Variants in STON2 observed in about 807,000 individuals in gnomAD.
STON2 encodes stonin-2.
Under a neutral mutation model 65.7 loss-of-function variants are expected in STON2, and 29 were observed. The observed-to-expected ratio is 0.44, with a 90% confidence interval of 0.33 to 0.60. The LOEUF (loss-of-function observed/expected upper bound fraction) is 0.60, where lower values mean the gene tolerates loss of function less well. STON2 is among the 20% of genes least tolerant of loss of function. STON2 has a pLI of 0.03. For synonymous variants in STON2, 404 were observed against 414.2 expected, an observed-to-expected ratio of 0.98 and a Z score of 0.30; for missense variants, 1,054 against 1,118.1, an observed-to-expected ratio of 0.94 and a Z score of 0.82.
At chr14:81,290,686 A>G (rs1257965412) in intron 5 of STON2, among the ~76,000 whole-genome samples, 1 of 152,210 alleles carries the variant, frequency 6.6e-6, no homozygotes, top group Non-Finnish European at 1.5e-5. Context: ...CCCAAAACTC[A>G]TGTTCTTTAT....
Position 81,296,056 on chromosome 14 carries a change from G to A in STON2, c.743-17317C>T, listed in dbSNP as rs543356377. Among the ~76,000 whole-genome samples, 92 of 152,298 alleles carry A rather than the reference G, an allele frequency of 6.0e-4. 1 individual carries two copies. The highest frequency in any genetic ancestry group is 5.9e-5 in the Non-Finnish European group (4 of 68,024). On this transcript the variant is annotated intron_variant, in intron 5 of 7. Coordinates refer to ENST00000614646, the MANE Select transcript of STON2 (RefSeq NM_001394390.1). Reference sequence around the variant, plus strand: ...CTACATTTTTTCCGTAGTATTTTGGGATGAGAATTCTCATAGGACAATATT... The same window carrying A: ...CTACATTTTTTCCGTAGTATTTTGGAATGAGAATTCTCATAGGACAATATT...
At chr14:81,272,948 A>G (rs142217020) in intron 6 of STON2, among the ~76,000 whole-genome samples, 93 of 152,352 alleles carry the variant, frequency 6.1e-4, no homozygotes, top group Non-Finnish European at 1.1e-3. Flanking sequence ...TAGAGCTGGA[A>G]ATAAGATTCA....
Position 81,277,855 on chromosome 14 carries a change from G to A in STON2, c.1627C>T (p.Arg543Trp), listed in dbSNP as rs369913789. The change falls in exon 6 of 8, where the codon CGG (arginine) becomes TGG (tryptophan). Residue 543 changes from arginine to tryptophan, a missense_variant. Coordinates refer to ENST00000614646, the MANE Select transcript of STON2 (RefSeq NM_001394390.1). Reference sequence around the variant, plus strand: ...CCATTCTCATCATAGTTTTGAAGCCGGGGTTCTGAAATCTCATGACAGATC... The same window carrying A: ...CCATTCTCATCATAGTTTTGAAGCCAGGGTTCTGAAATCTCATGACAGATC... ...LEICHEISEP[R>W]LQNYDENGRI... is the part of the protein sequence containing the mutation. The A allele has an allele frequency of 1.9e-5, 30 of 1,614,052 alleles. No homozygotes were observed. Among genetic ancestry groups the A allele is most frequent in the East Asian group, 1.1e-4 (5 of 44,890 alleles).
chr14:81,358,468 G>T (rs1898349186), intron 4 of STON2, among the ~76,000 whole-genome samples: 1 of 152,044 alleles, frequency 6.6e-6, no homozygotes, highest in South Asian at 2.1e-4. Flanking sequence ...CACAAATGAA[G>T]TCAGAAGAAA....
intron 5 of STON2, among the ~76,000 whole-genome samples, chr14:81,322,440 CA>C (rs1896854355): frequency 6.6e-6 from 1 of 152,180 alleles, no homozygotes; most frequent in Non-Finnish European, 1.5e-5. Flanking sequence ...ACTTCTTGCT[CA>C]CTTGGCCTCC....
chr14:81,378,383 T>C (rs1899353201), intron 3 of STON2, among the ~76,000 whole-genome samples: 1 of 151,878 alleles, frequency 6.6e-6, no homozygotes, highest in Non-Finnish European at 1.5e-5. Flanking sequence ...GCCTAGTTAG[T>C]TTTTCATATT....
chr14:81,297,176 T>C (rs1895794821), intron 5 of STON2, among the ~76,000 whole-genome samples: 1 of 152,122 alleles, frequency 6.6e-6, no homozygotes, highest in South Asian at 2.1e-4. Context: ...AGACAAGTAG[T>C]GGCCTGGCTG....
At chr14:81,327,832 A>T (rs1897054883) in intron 4 of STON2, among the ~76,000 whole-genome samples, 1 of 152,214 alleles carries the variant, frequency 6.6e-6, no homozygotes. Context: ...AGATTTCTGT[A>T]ACATAACAAC....
chr14:81,382,562 G>A (rs1899577731), intron 3 of STON2, among the ~76,000 whole-genome samples: 2 of 152,204 alleles, frequency 1.3e-5, no homozygotes, highest in Admixed American at 1.3e-4. Context: ...GGAAGGGGAT[G>A]TGATGAGGGA....
chr14:81,333,213 G>A (rs770518686), intron 4 of STON2: 6 of 961,686 alleles, frequency 6.2e-6, no homozygotes, highest in Middle Eastern at 6.4e-4. Context: ...GTGTGGTCTT[G>A]TACATTTTTG....
intron 5 of STON2, among the ~76,000 whole-genome samples, chr14:81,287,883 C>T (rs767147698): frequency 9.2e-5 from 14 of 152,104 alleles, no homozygotes; most frequent in South Asian, 2.1e-4. Context: ...TTCTGATATC[C>T]GTTTCTTGGG....
At chr14:81,295,082 T>C (rs1226770750) in intron 5 of STON2, among the ~76,000 whole-genome samples, 1 of 152,130 alleles carries the variant, frequency 6.6e-6, no homozygotes, top group African/African-American at 2.4e-5. Context: ...CCCAACACTT[T>C]AGGAGGCCGA....
chr14:81,323,172 TGCAATCAACG>T (rs1696789129), intron 5 of STON2, among the ~76,000 whole-genome samples: 1 of 152,184 alleles, frequency 6.6e-6, no homozygotes, highest in Admixed American at 6.5e-5. Flanking sequence ...CACATGTCAG[TGCAATCAACG>T]GCTTGTGTTT....
At chr14:81,342,469 G>A (rs1194540184) in intron 4 of STON2, among the ~76,000 whole-genome samples, 23 of 152,094 alleles carry the variant, frequency 1.5e-4, no homozygotes, top group Admixed American at 1.5e-3. Flanking sequence ...AATCCTTGGA[G>A]CTCCACACAG....
chr14:81,398,254 T>C, intron 2 of STON2, 41 bp downstream of exon 2: 2 of 1,422,184 alleles, frequency 1.4e-6, no homozygotes. Context: ...ACATGGTTCT[T>C]TGACAATCTC....
Position 81,398,341 on chromosome 14 carries a change from T to C in STON2, c.42A>G (p.Glu14=), listed in dbSNP as rs1900432310. ...GTGGCTCTTCATTGAAGGAGACCCA[T>C]TCTGACTGGTGGGTGGCAATCACAT... The part of the protein sequence containing the change: ...LDHVIATHQS[E]WVSFNEEPPF... The change falls in exon 2 of 8, where the codon GAA becomes GAG. Residue 14 remains glutamate (E), a synonymous_variant. Coordinates refer to ENST00000614646, the MANE Select transcript of STON2 (RefSeq NM_001394390.1). 6.2e-7 allele frequency: 1 copy of C among 1,614,064 alleles called. No homozygotes were observed. Among genetic ancestry groups the C allele is most frequent in the Non-Finnish European group, 8.5e-7 (1 of 1,179,962 alleles).
At chr14:81,371,692 G>A (rs201944408) in intron 3 of STON2, among the ~76,000 whole-genome samples, 15,196 of 93,846 alleles carry the variant, frequency 0.16, 1,435 homozygotes, top group East Asian at 0.38. Context: ...AAAAAAAAAA[G>A]AAAAGAAAAG....
At chr14:81,270,020 T>A in intron 7 of STON2, 1 of 984,524 alleles carries the variant, frequency 1.0e-6, no homozygotes, top group Non-Finnish European at 1.2e-6. Flanking sequence ...CTCCCCTCCA[T>A]TTCCAAGCTC....
At chr14:81,346,734 A>G (rs1897823829) in intron 4 of STON2, among the ~76,000 whole-genome samples, 1 of 152,230 alleles carries the variant, frequency 6.6e-6, no homozygotes, top group African/African-American at 2.4e-5. Flanking sequence ...TATCTTCTCA[A>G]CTACAGTGGA....
Sources: allele counts gnomAD v4.1 joint callset (sites outside exome capture counted in the v4.1 genomes callset), GRCh38; gene constraint gnomAD v4.1.1; transcripts MANE v1.5; gene names NCBI Gene and HGNC (gene_info 2026-07-23, HGNC 2026-07-21).